EZH2: variants seen among roughly 807,000 people sequenced by gnomAD.
EZH2 encodes enhancer of zeste 2 polycomb repressive complex 2 subunit.
In EZH2, 18 loss-of-function variants were observed where a neutral mutation model predicts 98.4. The ratio of observed to expected loss-of-function variants is 0.18; its 90% CI spans 0.13 to 0.27. The LOEUF (loss-of-function observed/expected upper bound fraction) is 0.27. Among genes scored for constraint, EZH2 ranks in the 10% least tolerant of loss-of-function variants. EZH2 has a pLI of 1.00. For synonymous variants in EZH2, 338 were observed against 312.3 expected, an observed-to-expected ratio of 1.08 and a Z score of -0.87; for missense variants, 470 against 935.1, an observed-to-expected ratio of 0.50 and a Z score of 6.49.
At chr7:148,823,064 A>AT (rs1482392266) in intron 8 of EZH2, among the ~76,000 whole-genome samples, 19 of 152,370 alleles carry the variant, frequency 1.2e-4, no homozygotes, top group East Asian at 5.8e-4. Context: ...GGAAGCAGAG[A>AT]TTAAAAAACA....
In EZH2 at chr7:148,826,307, A is replaced by G. The variant is rs1807691675; in HGVS notation, c.907+147T>C. ...ATTTCAGAGCAATCCTCAAGCAACA[A>G]AGTAAAAATAATAATACTGAGATCT... On this transcript the variant is annotated intron_variant, in intron 8 of 19. Transcript: ENST00000320356. 6.6e-6 allele frequency: 4 copies of G among 605,878 alleles called. No individual in the cohort carries two copies. In the South Asian group the frequency reaches 2.4e-4, roughly 36 times the overall value. The allele number at this position is 605,878 out of a possible 1,614,324, so 37.5% of individuals were successfully genotyped here.
chr7:148,812,465 A>AT (rs1803364360), intron 15 of EZH2, among the ~76,000 whole-genome samples: 1 of 152,166 alleles, frequency 6.6e-6, no homozygotes, highest in African/African-American at 2.4e-5. Context: ...CTTCCTATCT[A>AT]TTCCTATTCT....
chr7:148,846,390 C>T lies in EZH2; in HGVS notation c.246+80G>A. ...TGGACACCCTGAGGTCAATGATTTC[C>T]TCCCAATAACCAAACAAATGTTCCA... On this transcript the variant is annotated intron_variant, in intron 3 of 19. Transcript: ENST00000320356. 3 of 1,490,950 alleles carry T rather than the reference C, an allele frequency of 2.0e-6. No individual in the cohort carries two copies. In the South Asian group the frequency reaches 3.9e-5, roughly 19 times the overall value. The allele number at this position is 1,490,950 out of a possible 1,614,324, so 92.4% of individuals were successfully genotyped here.
At chr7:148,858,840 C>T (rs1817243334) in intron 1 of EZH2, among the ~76,000 whole-genome samples, 1 of 152,134 alleles carries the variant, frequency 6.6e-6, no homozygotes, top group South Asian at 2.1e-4. Flanking sequence ...GACATGTCTA[C>T]TTGAAGAGAT....
chr7:148,883,705 G>T (rs535396880), intron 1 of EZH2, among the ~76,000 whole-genome samples: 4 of 151,790 alleles, frequency 2.6e-5, no homozygotes, highest in Admixed American at 2.6e-4. Flanking sequence ...TCCTTTGTCT[G>T]AGTGCGGACT....
intron 1 of EZH2, among the ~76,000 whole-genome samples, chr7:148,855,829 C>T (rs1363608067): frequency 3.0e-5 from 4 of 132,758 alleles, no homozygotes; most frequent in Non-Finnish European, 6.2e-5. Context: ...ACCTAGGAGG[C>T]GGAGGTTGCA....
rs538674910 is a variant in EZH2 at position 148,823,731 on chromosome 7, G to A, written c.907+2723C>T. On this transcript the variant is annotated intron_variant, in intron 8 of 19. Coordinates refer to ENST00000320356, the MANE Select transcript of EZH2 (RefSeq NM_004456.5). Reference sequence around the variant, plus strand: ...AGTGGCATGATCATAGCTCACTGCAGCCTCAAACTTTTGGGCTCAAGCAGT... The same window carrying A: ...AGTGGCATGATCATAGCTCACTGCAACCTCAAACTTTTGGGCTCAAGCAGT... 4.6e-5 allele frequency among the ~76,000 whole-genome samples: 7 copies of A among 151,444 alleles called. No homozygotes were observed. The East Asian group carries it at 1.4e-3, about 29-fold the overall frequency.
At chr7:148,857,188 C>A (rs1047820175) in intron 1 of EZH2, among the ~76,000 whole-genome samples, 7 of 152,156 alleles carry the variant, frequency 4.6e-5, no homozygotes, top group Admixed American at 4.6e-4. Flanking sequence ...AAACATCTGA[C>A]CAATACACTT....
rs1801859338 is a variant in EZH2 at position 148,807,762 on chromosome 7, A to AGACAT, written c.2196-57_2196-56insATGTC. 2.7e-6 allele frequency: 3 copies of AGACAT among 1,123,242 alleles called. No homozygotes were observed. In the African/African-American group the frequency reaches 4.7e-5, roughly 18 times the overall value. The allele number at this position is 1,123,242 out of a possible 1,614,324, so 69.6% of individuals were successfully genotyped here. A position where few individuals can be genotyped will look rare whatever the true frequency, so the allele number is the denominator to read the frequency against. On this transcript the variant is annotated intron_variant, in intron 19 of 19. Transcript: ENST00000320356. ...ATGGCCACCCATCCAACATGTGCTG[A>AGACAT]GACTTAACACAACAAAGCCTGCTGA...
chr7:148,827,304 G>T (rs765200567), intron 6 of EZH2, 38 bp from the exon 7 acceptor site: 14 of 1,502,004 alleles, frequency 9.3e-6, no homozygotes. Context: ...AAGAATGGAA[G>T]TAAACAAGTT....
intron 8 of EZH2, among the ~76,000 whole-genome samples, chr7:148,826,137 T>A (rs1286090337): frequency 1.3e-5 from 2 of 152,042 alleles, no homozygotes; most frequent in Non-Finnish European, 2.9e-5. Context: ...ATATCAGCAA[T>A]GTTGCTCTGG....
In EZH2 at chr7:148,827,196, T is replaced by C; in HGVS notation, c.696A>G (p.Pro232=). The C allele has an allele frequency of 6.2e-7, 1 of 1,613,608 alleles. No individual in the cohort carries two copies. Among genetic ancestry groups the C allele is most frequent in the Non-Finnish European group, 8.5e-7 (1 of 1,179,842 alleles). Reference sequence around the variant, plus strand: ...TTAGTTCTTCTGCTGTGCCCTTATCTGGAAACATTGAGGAAATGGCTTCAA... The same window carrying C: ...TTAGTTCTTCTGCTGTGCCCTTATCCGGAAACATTGAGGAAATGGCTTCAA... ...KIFEAISSMF[P]DKGTAEELKE... Residue 232 remains proline (P), a synonymous_variant, in exon 7 of 20, where the codon CCA becomes CCG. Transcript: ENST00000320356.
At chr7:148,816,946 T>G (rs1804723736) in intron 11 of EZH2, 168 bp from the exon 12 acceptor site, 1 of 608,424 alleles carries the variant, frequency 1.6e-6, no homozygotes, top group South Asian at 2.2e-5. Context: ...GTAGCTGTAA[T>G]TATATTCTGG....
At chr7:148,862,658 T>G (rs1186053874) in intron 1 of EZH2, among the ~76,000 whole-genome samples, 1 of 152,220 alleles carries the variant, frequency 6.6e-6, no homozygotes, top group African/African-American at 2.4e-5. Flanking sequence ...TAAGTGCTTT[T>G]GCTCAAAACC....
chr7:148,836,497 A>G (rs1277177953), intron 3 of EZH2, among the ~76,000 whole-genome samples: 1 of 152,200 alleles, frequency 6.6e-6, no homozygotes, highest in East Asian at 1.9e-4. Flanking sequence ...AAAATGTATC[A>G]TCCTTGACAG....
chr7:148,811,908 T>C lies in EZH2; in HGVS notation c.1852-188A>G, dbSNP rs1803190563. Reference sequence around the variant, plus strand: ...CTGAGAATGGCTATGAACATTATGTTTTCCTTATACAGCAGATAAGAATCT... The same window carrying C: ...CTGAGAATGGCTATGAACATTATGTCTTCCTTATACAGCAGATAAGAATCT... On this transcript the variant is annotated intron_variant, in intron 15 of 19. Transcript: ENST00000320356. 6 of 565,420 alleles carry C rather than the reference T, an allele frequency of 1.1e-5. No individual in the cohort carries two copies. The South Asian group carries it at 1.1e-4, about 10-fold the overall frequency. The allele number at this position is 565,420 out of a possible 1,614,324, so 35.0% of individuals were successfully genotyped here.
At chr7:148,834,362 C>CATATATATATATAT (rs1283044499) in intron 3 of EZH2, among the ~76,000 whole-genome samples, 29 of 147,786 alleles carry the variant, frequency 2.0e-4, no homozygotes, top group African/African-American at 7.2e-4. Context: ...TACACACACA[C>CATATATATATATAT]ACACACACAC....
intron 14 of EZH2, among the ~76,000 whole-genome samples, chr7:148,814,351 T>C (rs942398388): frequency 1.3e-5 from 2 of 151,974 alleles, no homozygotes; most frequent in Non-Finnish European, 2.9e-5. Context: ...TTTTCCATTT[T>C]TCATTTGTTA....
intron 15 of EZH2, among the ~76,000 whole-genome samples, chr7:148,813,052 T>TACACACACACAC (rs142835355): frequency 7.6e-6 from 1 of 132,108 alleles, no homozygotes; most frequent in African/African-American, 3.2e-5. Context: ...ACACCCCACA[T>TACACACACACAC]ACACACACAC....
Sources: allele counts gnomAD v4.1 joint callset (sites outside exome capture counted in the v4.1 genomes callset), GRCh38; gene constraint gnomAD v4.1.1; transcripts MANE v1.5; gene names NCBI Gene and HGNC (gene_info 2026-07-23, HGNC 2026-07-21).